HAL: variants seen among roughly 807,000 people sequenced by gnomAD.
HAL encodes histidine ammonia-lyase, also known as histidase.
HAL carries 85 observed loss-of-function variants against 81.1 expected under a neutral mutation model. That is an observed-to-expected ratio of 1.05 (90% confidence interval 0.88 to 1.25). The LOEUF is 1.25. HAL is among the 50% of genes most tolerant of loss of function. HAL has a pLI of 0.00. For synonymous variants in HAL, 301 were observed against 309.2 expected (o/e 0.97, Z 0.28); for missense variants, 798 against 836.6 (o/e 0.95, Z 0.57).
At chr12:95,981,537 C>A (rs1401184173) in intron 15 of HAL, among the ~76,000 whole-genome samples, 1 of 152,192 alleles carries the variant, frequency 6.6e-6, no homozygotes, top group Non-Finnish European at 1.5e-5. Context: ...CGGCTCACTG[C>A]GACCTCTGCC....
In HAL at chr12:95,994,227, A is replaced by G. The variant is rs1328588341; in HGVS notation, c.337-63T>C. 5 of 1,047,600 alleles carry G rather than the reference A, an allele frequency of 4.8e-6. No individual in the cohort carries two copies. The African/African-American group carries it at 6.2e-5, about 13-fold the overall frequency. The allele number at this position is 1,047,600 out of a possible 1,614,324, so 64.9% of individuals were successfully genotyped here. On this transcript the variant is annotated intron_variant, in intron 4 of 20. Transcript: ENST00000261208. ...CTTGATTATTCTAACCAGAGTAGGG[A>G]CACCTCCAACAGAACCAAACTGACA...
intron 8 of HAL, 63 bp from the exon 9 acceptor site, chr12:95,992,868 G>GTCCTCCCT: frequency 1.5e-6 from 2 of 1,320,362 alleles, no homozygotes; most frequent in Non-Finnish European, 2.1e-6. Flanking sequence ...CCTGACAATT[G>GTCCTCCCT]CCCTCCCTCC....
At chr12:95,984,410 A>T (rs1255888092) in intron 14 of HAL, among the ~76,000 whole-genome samples, 3 of 152,232 alleles carry the variant, frequency 2.0e-5, no homozygotes, top group Non-Finnish European at 4.4e-5. Context: ...ATGCAAACAA[A>T]TTCTTAGATG....
In HAL at chr12:95,986,064, C is replaced by G; in HGVS notation, c.1147+1G>C. 1 of 1,604,876 alleles carries G rather than the reference C, an allele frequency of 6.2e-7. No homozygotes were observed. The highest frequency in any genetic ancestry group is 8.5e-7 in the Non-Finnish European group (1 of 1,171,580). On this transcript the variant is annotated splice_donor_variant, in intron 13 of 20. Transcript: ENST00000261208. LOFTEE classifies it high-confidence loss of function. Reference sequence around the variant, plus strand: ...GGTCACTCCCATAAACATGGTCAGACCTGCTATTTCTGATGGGTGGTGATC... The same window carrying G: ...GGTCACTCCCATAAACATGGTCAGAGCTGCTATTTCTGATGGGTGGTGATC...
rs1190439758 is a variant in HAL at position 95,984,119 on chromosome 12, TAA to T, written c.1207-130_1207-129del. On this transcript the variant is annotated intron_variant, in intron 14 of 20. Coordinates refer to ENST00000261208, the MANE Select transcript of HAL (RefSeq NM_002108.4). ...TACAGAAGATCTTATTTTAAAGTTA[TAA>T]CCATGGAAATTATTTGAACTGAAGA... 4.5e-6 allele frequency: 3 copies of T among 662,744 alleles called. No individual in the cohort carries two copies. The African/African-American group carries it at 5.4e-5, about 12-fold the overall frequency. 41.1% of individuals were successfully genotyped at this position (662,744 alleles called of 1,614,324 possible). A position where few individuals can be genotyped will look rare whatever the true frequency, so the allele number is the denominator to read the frequency against.
intron 4 of HAL, 53 bp downstream of exon 4, chr12:95,994,745 T>C: frequency 6.4e-7 from 1 of 1,570,504 alleles, no homozygotes; most frequent in Non-Finnish European, 8.8e-7. Context: ...TTCCTCCCTC[T>C]TAAATAAGGG....
At position 95,987,188 on chromosome 12, in the gene HAL, C is replaced by T. The variant is rs763782395; in HGVS notation, c.930G>A (p.Gln310=). 5 of 1,614,030 alleles carry T rather than the reference C, an allele frequency of 3.1e-6. No homozygotes were observed. The South Asian group carries it at 5.5e-5, about 18-fold the overall frequency. ...CTTCACAGCCCAGGGATGTGATCAT[C>T]TGCGTCCCATTGATGAGTGCCAGGC... ...KEGLALINGT[Q]MITSLGCEAV... The change falls in exon 12 of 21, where the codon CAG becomes CAA. Residue 310 remains glutamine (Q), a synonymous_variant. Transcript: ENST00000261208.
At chr12:95,993,340 G>T in intron 8 of HAL, 111 bp downstream of exon 8, 1 of 803,502 alleles carries the variant, frequency 1.2e-6, no homozygotes, top group Non-Finnish European at 2.3e-6. Flanking sequence ...TTCTTGAAAT[G>T]CTGTTTTGAG....
Position 95,994,105 on chromosome 12 carries a change from T to C in HAL, c.396A>G (p.Gly132=). ...CTCCCCATACCTTTATTTTGTAGCG[T>C]CCCTTTCCCAAGTTGACCAGATCCT... The part of the protein sequence containing the change: ...TTEDLVNLGK[G]RYKIKLTPTA... Residue 132 remains glycine, a synonymous_variant, in exon 5 of 21, where the codon GGA becomes GGG. Transcript: ENST00000261208. 6.2e-7 allele frequency: 1 copy of C among 1,613,262 alleles called. No homozygotes were observed. Among genetic ancestry groups the C allele is most frequent in the Non-Finnish European group, 8.5e-7 (1 of 1,179,298 alleles).
intron 17 of HAL, among the ~76,000 whole-genome samples, 179 bp from the exon 18 acceptor site, chr12:95,978,257 C>T (rs200241965): frequency 1.9e-4 from 26 of 138,542 alleles, no homozygotes; most frequent in African/African-American, 7.3e-4. Context: ...CATTTTTTTT[C>T]CCCAAGTGAG....
intron 14 of HAL, among the ~76,000 whole-genome samples, chr12:95,984,255 G>T (rs1949849566): frequency 6.6e-6 from 1 of 152,184 alleles, no homozygotes; most frequent in African/African-American, 2.4e-5. Context: ...GGTGTGGGAG[G>T]AAGAATGCCA....
At chr12:95,988,457 T>A (rs1157582078) in intron 10 of HAL, among the ~76,000 whole-genome samples, 2 of 152,230 alleles carry the variant, frequency 1.3e-5, no homozygotes, top group East Asian at 3.8e-4. Context: ...ATTTTTGTAC[T>A]GAAATCAGGG....
chr12:95,988,172 A>G lies in HAL; in HGVS notation c.903+21T>C, dbSNP rs1214212273. 3.2e-6 allele frequency: 4 copies of G among 1,241,134 alleles called. No homozygotes were observed. The South Asian group carries it at 4.8e-5, about 15-fold the overall frequency. 76.9% of individuals were successfully genotyped at this position (1,241,134 alleles called of 1,614,324 possible). On this transcript the variant is annotated intron_variant, in intron 11 of 20. Transcript: ENST00000261208. ...ATAAAAACTCATGCACTATGAACAT[A>G]TTTTTCTTGAGTTTCCTTACCTCTT...
rs778333180 is a variant in HAL, at chr12:95,995,668, T to C, written c.243A>G (p.Glu81=). The C allele has an allele frequency of 6.2e-7, 1 of 1,613,414 alleles. No individual in the cohort carries two copies. The highest frequency in any genetic ancestry group is 8.5e-7 in the Non-Finnish European group (1 of 1,180,038). ...CCCTCTCCTGCAGCCACTCACCCAC[T>C]TCCACGAACTCGTTGTTCTCTAGGG... The part of the protein sequence containing the change: ...EVALENNEFV[E]VVIEGDAMSP... The change falls in exon 2 of 21, where the codon GAA becomes GAG. Residue 81 remains glutamate (E), a synonymous_variant. Coordinates refer to ENST00000261208, the MANE Select transcript of HAL (RefSeq NM_002108.4).
chr12:95,976,622 T>C lies in HAL; in HGVS notation c.1739A>G (p.Tyr580Cys), dbSNP rs372889026. Residue 580 changes from tyrosine to cysteine, a missense_variant, in exon 19 of 21, where the codon TAT becomes TGT. By Grantham distance (194) the Tyr-to-Cys change is radical (BLOSUM62 -2). Coordinates refer to ENST00000261208, the MANE Select transcript of HAL (RefSeq NM_002108.4). The stretch of plus-strand genomic sequence containing the variant: ...CCTTACAACAGAGCGCACCAGGTCA[T>C]AGACCTTCTCCAGCGGAGTGGTTGT... The part of the protein sequence containing the change: ...LKTTTPLEKV[Y>C]DLVRSVVRPW... The C allele has an allele frequency of 3.7e-6, 6 of 1,610,768 alleles. No individual in the cohort carries two copies. The highest frequency in any genetic ancestry group is 1.1e-5 in the South Asian group (1 of 91,004).
intron 15 of HAL, 141 bp downstream of exon 15, chr12:95,983,770 C>T: frequency 1.5e-6 from 1 of 681,764 alleles, no homozygotes. Context: ...CAGTTAACCT[C>T]TGAGCCTCAG....
At chr12:95,986,942 A>C (rs1949896370) in intron 12 of HAL, 125 bp downstream of exon 12, 2 of 813,620 alleles carry the variant, frequency 2.5e-6, no homozygotes, top group Non-Finnish European at 4.3e-6. Flanking sequence ...GGTACGCCAC[A>C]GGCACTTGGG....
rs771536097 is a variant in HAL at position 95,974,454 on chromosome 12, C to T, written c.1834-82G>A. 3 of 1,224,696 alleles carry T rather than the reference C, an allele frequency of 2.4e-6. No homozygotes were observed. In the African/African-American group the frequency reaches 4.4e-5, roughly 18 times the overall value. The allele number at this position is 1,224,696 out of a possible 1,614,324, so 75.9% of individuals were successfully genotyped here. A position where few individuals can be genotyped will look rare whatever the true frequency, so the allele number is the denominator to read the frequency against. ...ATTAAACATCAACTTCATCCGAAGTCAAAACATACTCTATACATGACCAGA... is the reference window on the plus strand; with the variant it reads ...ATTAAACATCAACTTCATCCGAAGTTAAAACATACTCTATACATGACCAGA... On this transcript the variant is annotated intron_variant, in intron 20 of 20. Transcript: ENST00000261208.
intron 20 of HAL, 57 bp downstream of exon 20, chr12:95,976,372 G>A (rs771178247): frequency 1.2e-5 from 16 of 1,340,664 alleles, no homozygotes; most frequent in South Asian, 4.7e-5. Flanking sequence ...CTCCATCCCC[G>A]ACTTTGCTTT....
Sources: gnomAD v4.1 joint callset for allele counts (sites outside exome capture counted in the v4.1 genomes callset) on GRCh38, gnomAD v4.1.1 for gene constraint, MANE v1.5 for transcripts, NCBI Gene and HGNC (gene_info 2026-07-23, HGNC 2026-07-21) for gene names.